Variants in DNAH9 observed in about 807,000 individuals in gnomAD.
DNAH9 encodes the protein DNAH9 variant protein.
In DNAH9, 345 loss-of-function variants were observed where a neutral mutation model predicts 471.6. The ratio of observed to expected loss-of-function variants is 0.73; its 90% confidence interval spans 0.67 to 0.80. The LOEUF (loss-of-function observed/expected upper bound fraction) is 0.80. Among genes scored for constraint, DNAH9 ranks in the 30% least tolerant of loss-of-function variants. DNAH9 has a pLI of 0.00. For synonymous variants in DNAH9, 2,093 were observed against 2,123.6 expected, an observed-to-expected ratio of 0.99 and a Z score of 0.40; for missense variants, 5,407 against 5,609.2, an observed-to-expected ratio of 0.96 and a Z score of 1.15.
chr17:11,891,091 A>G (rs557866590), intron 57 of DNAH9, among the ~76,000 whole-genome samples: 3 of 152,234 alleles, frequency 2.0e-5, no homozygotes, highest in Admixed American at 6.5e-5. Flanking sequence ...GTTTAAAACA[A>G]TGGAAAACTG....
intron 48 of DNAH9, among the ~76,000 whole-genome samples, chr17:11,833,896 C>T (rs1344828659): frequency 6.6e-6 from 1 of 152,216 alleles, no homozygotes; most frequent in East Asian, 1.9e-4. Flanking sequence ...ACACTCCACA[C>T]TGGCTACTTT....
Position 11,961,864 on chromosome 17 carries a change from CA to C in DNAH9, c.12844-2del, listed in dbSNP as rs1567581711. On this transcript the variant is annotated splice_acceptor_variant, in intron 67 of 68. Transcript: ENST00000262442. LOFTEE classifies it high-confidence loss of function. ...CTTTCCCCCTCCCATTCTTTATCTT[CA>C]GGGGGAGCTGACTATGACCAGCCAC... 6.3e-7 allele frequency: 1 copy of C among 1,594,046 alleles called. No individual in the cohort carries two copies. Among genetic ancestry groups the C allele is most frequent in the Admixed American group, 1.7e-5 (1 of 58,008 alleles).
Position 11,790,307 on chromosome 17 carries a change from C to T in DNAH9, c.8062-3196C>T, listed in dbSNP as rs1445867548. Among the ~76,000 whole-genome samples the T allele has an allele frequency of 5.9e-5, 9 of 151,776 alleles. No homozygotes were observed. The East Asian group carries it at 1.7e-3, about 29-fold the overall frequency. ...GTGATGGTGGGTACGTTTATTTTTGCTTTTATTTGTCATATTCACTTTATA... is the reference window on the plus strand; with the variant it reads ...GTGATGGTGGGTACGTTTATTTTTGTTTTTATTTGTCATATTCACTTTATA... On this transcript the variant is annotated intron_variant, in intron 41 of 68. Transcript: ENST00000262442.
intron 23 of DNAH9, 73 bp from the exon 24 acceptor site, chr17:11,701,049 G>T: frequency 6.5e-7 from 1 of 1,539,190 alleles, no homozygotes; most frequent in Non-Finnish European, 8.9e-7. Flanking sequence ...CCCTCAGACT[G>T]AGTGGAAGAA....
chr17:11,855,683 C>A (rs910684194), intron 50 of DNAH9, among the ~76,000 whole-genome samples: 2 of 152,168 alleles, frequency 1.3e-5, no homozygotes, highest in Non-Finnish European at 2.9e-5. Context: ...TTTTAAAGTT[C>A]CAACAGCTTA....
intron 41 of DNAH9, among the ~76,000 whole-genome samples, chr17:11,791,295 T>C (rs1284321879): frequency 6.6e-6 from 1 of 152,240 alleles, no homozygotes; most frequent in African/African-American, 2.4e-5. Context: ...TTTAGACTTA[T>C]CACTTACTAA....
intron 49 of DNAH9, among the ~76,000 whole-genome samples, chr17:11,843,853 G>GTA (rs1326842243): frequency 9.4e-5 from 1 of 10,666 alleles, no homozygotes; most frequent in Non-Finnish European, 2.0e-4. Flanking sequence ...GTGTGTGTGT[G>GTA]TGTGTGTGTG....
intron 59 of DNAH9, among the ~76,000 whole-genome samples, chr17:11,896,145 C>T (rs890119733): frequency 6.6e-6 from 1 of 152,152 alleles, no homozygotes; most frequent in Non-Finnish European, 1.5e-5. Context: ...TATAAGAGCA[C>T]CAGTTATATT....
chr17:11,811,613 C>T (rs2150928941), intron 45 of DNAH9, among the ~76,000 whole-genome samples: 1 of 152,310 alleles, frequency 6.6e-6, no homozygotes, highest in African/African-American at 2.4e-5. Context: ...CCAACCTCAG[C>T]TGTCCATCAC....
At chr17:11,797,016 G>A (rs1284570289) in intron 42 of DNAH9, among the ~76,000 whole-genome samples, 1 of 152,160 alleles carries the variant, frequency 6.6e-6, no homozygotes, top group East Asian at 1.9e-4. Context: ...TAAGTAGGGA[G>A]TTCTACCATA....
Position 11,745,038 on chromosome 17 carries a change from C to A in DNAH9, c.6353C>A (p.Ala2118Glu). The change falls in exon 31 of 69, where the codon GCG (alanine) becomes GAG (glutamate). Residue 2118 changes from alanine (A) to glutamate (E), a missense_variant. Physicochemically the swap from Ala to Glu is moderately radical, Grantham distance 107. This residue lies in a region of DNAH9 where 4,636 missense variants were observed against 4,900.3 expected (regional missense o/e 0.95). Coordinates refer to ENST00000262442, the MANE Select transcript of DNAH9 (RefSeq NM_001372.4). ...AACTTCGAAGCTTTGGTTAGGAAGG[C>A]GATAGTGGATCTGAAGCTCCAGGCT... The part of the protein sequence containing the change: ...DPNFEALVRK[A>E]IVDLKLQAED... 2 of 1,614,046 alleles carry A rather than the reference C, an allele frequency of 1.2e-6. No individual in the cohort carries two copies. Among genetic ancestry groups the A allele is most frequent in the Non-Finnish European group, 1.7e-6 (2 of 1,179,944 alleles).
At chr17:11,805,890 T>C (rs1175675205) in intron 43 of DNAH9, among the ~76,000 whole-genome samples, 3 of 151,844 alleles carry the variant, frequency 2.0e-5, no homozygotes, top group African/African-American at 7.3e-5. Flanking sequence ...GTTTCACGCA[T>C]CCAGACTGAA....
At chr17:11,898,364 G>A (rs1973291016) in intron 59 of DNAH9, among the ~76,000 whole-genome samples, 1 of 152,202 alleles carries the variant, frequency 6.6e-6, no homozygotes, top group South Asian at 2.1e-4. Flanking sequence ...CTCATGATCT[G>A]CCTGCCTCGG....
At chr17:11,822,707 C>T in intron 47 of DNAH9, 94 bp from the exon 48 acceptor site, 1 of 1,588,238 alleles carries the variant, frequency 6.3e-7, no homozygotes, top group Non-Finnish European at 8.6e-7. Context: ...CATAAGTTTC[C>T]ACATGGTGGA....
At chr17:11,918,650 T>C (rs1597825344) in intron 61 of DNAH9, among the ~76,000 whole-genome samples, 1 of 152,304 alleles carries the variant, frequency 6.6e-6, no homozygotes, top group Non-Finnish European at 1.5e-5. Flanking sequence ...GATTTGTGCA[T>C]GTGCTGGGGA....
rs1597894366 is a variant in DNAH9 at position 11,962,273 on chromosome 17, A to G, written c.13233+17A>G. 6.4e-7 allele frequency: 1 copy of G among 1,564,216 alleles called. No homozygotes were observed. The highest frequency in any genetic ancestry group is 8.6e-7 in the Non-Finnish European group (1 of 1,156,890). The stretch of plus-strand genomic sequence containing the variant: ...GACACACAGGTAAAGCTTGGAATGA[A>G]CCAAAGGGCAGCTTTCTGGGGGCTG... On this transcript the variant is annotated intron_variant, in intron 68 of 68. Coordinates refer to ENST00000262442, the MANE Select transcript of DNAH9 (RefSeq NM_001372.4). This position sits in a 1 kb window ranked among gnomAD's most constrained non-coding sequence, Gnocchi z 4.1.
At chr17:11,712,428 C>T (rs1201762071) in intron 26 of DNAH9, among the ~76,000 whole-genome samples, 6 of 151,784 alleles carry the variant, frequency 4.0e-5, no homozygotes, top group Non-Finnish European at 8.8e-5. Context: ...GTTTTCATTG[C>T]TCTTAAGTGA....
chr17:11,676,551 G>A (rs1279547064), intron 17 of DNAH9, among the ~76,000 whole-genome samples: 1 of 151,964 alleles, frequency 6.6e-6, no homozygotes, highest in Non-Finnish European at 1.5e-5. Context: ...CCAAAGTGCT[G>A]GGATTACAGG....
chr17:11,658,817 A>G (rs1321588307), intron 14 of DNAH9, among the ~76,000 whole-genome samples: 1 of 152,160 alleles, frequency 6.6e-6, no homozygotes, highest in Non-Finnish European at 1.5e-5. Context: ...TCAAATGTTA[A>G]ACCCAAATTT....
Sources: allele counts gnomAD v4.1 joint callset (sites outside exome capture counted in the v4.1 genomes callset), GRCh38; gene constraint gnomAD v4.1.1; regional missense constraint gnomAD v4.1.1; non-coding constraint Gnocchi (gnomAD v3.1); transcripts MANE v1.5; gene names NCBI Gene and HGNC (gene_info 2026-07-23, HGNC 2026-07-21).